The following WDR3 variants were observed in gnomAD, a reference collection of about 807,000 sequenced individuals.
WDR3 encodes the protein WD repeat domain 3, also known as WD repeat-containing protein 3.
A neutral mutation model predicts 123.7 loss-of-function variants in WDR3; 81 were observed. The observed-to-expected ratio is 0.65, with a 90% CI of 0.55 to 0.79. WDR3 has a LOEUF of 0.79. WDR3 is among the 30% of genes least tolerant of loss of function. The pLI, the probability that WDR3 is intolerant of heterozygous loss-of-function variation, is 0.00. For missense variants in WDR3, 1,027 were observed against 1,123.2 expected, an observed-to-expected ratio of 0.91 and a Z score of 1.22; for synonymous variants, 390 against 388.8, an observed-to-expected ratio of 1.00 and a Z score of -0.04.
chr1:117,930,318 G>A (rs1174576713), intron 1 of WDR3, among the ~76,000 whole-genome samples: 1 of 152,208 alleles, frequency 6.6e-6, no homozygotes, highest in Non-Finnish European at 1.5e-5. Flanking sequence ...ATGAAAAAAG[G>A]CTGCTAGAAT....
chr1:117,935,732 C>T (rs561865167), intron 3 of WDR3, among the ~76,000 whole-genome samples: 37 of 151,516 alleles, frequency 2.4e-4, no homozygotes, highest in Non-Finnish European at 3.2e-4. Flanking sequence ...AGTAAATATC[C>T]GATAGCAAGG....
At chr1:117,933,953 TACC>T (rs1195684182) in intron 2 of WDR3, among the ~76,000 whole-genome samples, 1 of 152,212 alleles carries the variant, frequency 6.6e-6, no homozygotes, top group African/African-American at 2.4e-5. Context: ...TCCCTAAGCC[TACC>T]ACTTTTGCCA....
chr1:117,937,630 A>G (rs1650991176), intron 4 of WDR3, among the ~76,000 whole-genome samples: 1 of 152,316 alleles, frequency 6.6e-6, no homozygotes, highest in East Asian at 1.9e-4. Context: ...AGCTTAGGGA[A>G]TATAAAGGCA....
chr1:117,939,525 G>C lies in WDR3; in HGVS notation c.628G>C (p.Ala210Pro), dbSNP rs759368535. The change falls in exon 6 of 27, where the codon GCC becomes CCC. Residue 210 changes from alanine (A) to proline (P), a missense_variant. By Grantham distance (27) the Ala-to-Pro change is conservative. Transcript: ENST00000349139. The stretch of plus-strand genomic sequence containing the variant: ...AGAAGAAAAGCGACTCATCACTGGG[G>C]CCTCAGACAGTGAACTGAGGGTATG... Reference protein sequence around the residue: ...LSEEKRLITGASDSELRVWDI... With the variant: ...LSEEKRLITGPSDSELRVWDI... 1.9e-6 allele frequency: 3 copies of C among 1,613,790 alleles called. No homozygotes were observed. In the South Asian group the frequency reaches 3.3e-5, roughly 18 times the overall value.
At position 117,933,414 on chromosome 1, in the gene WDR3, G is replaced by T. The variant is rs1308056118; in HGVS notation, c.95G>T (p.Arg32Leu). 76 of 1,614,062 alleles carry T rather than the reference G, an allele frequency of 4.7e-5. No individual in the cohort carries two copies. The highest frequency in any genetic ancestry group is 6.3e-5 in the Non-Finnish European group (74 of 1,180,048). ...GGTAATATTGTCTTTGTGACACTTC[G>T]TGGTGAGAAAGGACGTTATGTGGCA... ...QKGNIVFVTL[R>L]GEKGRYVAVP... The change falls in exon 2 of 27, where the codon CGT (arginine) becomes CTT (leucine). Residue 32 changes from arginine to leucine, a missense_variant. Transcript: ENST00000349139.
In WDR3 at chr1:117,942,440, A is replaced by G. The variant is rs1651203724; in HGVS notation, c.993A>G (p.Leu331=). 5.0e-6 allele frequency: 8 copies of G among 1,612,230 alleles called. No homozygotes were observed. Among genetic ancestry groups the G allele is most frequent in the Admixed American group, 3.3e-5 (2 of 59,972 alleles). Residue 331 remains leucine (L), a synonymous_variant, in exon 10 of 27, where the codon TTA becomes TTG. Coordinates refer to ENST00000349139, the MANE Select transcript of WDR3 (RefSeq NM_006784.3). The stretch of plus-strand genomic sequence containing the variant: ...ATACTTTTCTTCTTCCCTCTAGATT[A>G]CATTCTAGCAAAGGAGAGGAGGAAG... ...KMKKARKKAK[L]HSSKGEEEDP... is the part of the protein sequence containing the mutation.
chr1:117,953,055 T>G, intron 20 of WDR3, 59 bp downstream of exon 20: 1 of 1,561,010 alleles, frequency 6.4e-7, no homozygotes, highest in East Asian at 2.2e-5. Context: ...TTATTGAAAT[T>G]GACTATAATG....
intron 25 of WDR3, among the ~76,000 whole-genome samples, chr1:117,958,156 G>A (rs990285352): frequency 1.3e-5 from 2 of 152,124 alleles, no homozygotes. Context: ...TAGTTAAACA[G>A]GTATATGTAG....
At chr1:117,930,465 G>T (rs1461479132) in intron 1 of WDR3, among the ~76,000 whole-genome samples, 1 of 152,248 alleles carries the variant, frequency 6.6e-6, no homozygotes, top group Non-Finnish European at 1.5e-5. Context: ...AAACTAGCCA[G>T]CCTGACAGGA....
In WDR3 at chr1:117,933,389, G is replaced by C. The variant is rs748419725; in HGVS notation, c.70G>C (p.Gly24Arg). ...CTTTGGCGTTATCGGCAGCCAAAAA[G>C]GTAATATTGTCTTTGTGACACTTCG... The part of the protein sequence containing the change: ...AVFGVIGSQK[G>R]NIVFVTLRGE... Residue 24 changes from glycine (G) to arginine (R), a missense_variant, in exon 2 of 27, where the codon GGT (glycine) becomes CGT (arginine). By Grantham distance (125) the Gly-to-Arg change is moderately radical. Transcript: ENST00000349139. The C allele has an allele frequency of 8.7e-6, 14 of 1,614,060 alleles. No individual in the cohort carries two copies. Among genetic ancestry groups the C allele is most frequent in the Non-Finnish European group, 1.1e-5 (13 of 1,180,046 alleles).
At chr1:117,938,652 A>C in intron 5 of WDR3, 94 bp downstream of exon 5, 1 of 1,072,126 alleles carries the variant, frequency 9.3e-7, no homozygotes, top group Non-Finnish European at 1.4e-6. Context: ...CTTTGTTTTT[A>C]GTGCACACAG....
chr1:117,954,443 C>G (rs1222987622), intron 22 of WDR3, 137 bp from the exon 23 acceptor site: 3 of 786,550 alleles, frequency 3.8e-6, no homozygotes, highest in Middle Eastern at 3.2e-4. Context: ...TTTGATAATT[C>G]TTTTACACTC....
chr1:117,966,102 AT>A lies in WDR3; in HGVS notation c.*6657del, dbSNP rs1653810243. 1 of 152,252 alleles carries A rather than the reference AT, an allele frequency of 6.6e-6. No homozygotes were observed. The highest frequency in any genetic ancestry group is 2.4e-5 in the African/African-American group (1 of 41,452). 9.4% of individuals were successfully genotyped at this position (152,252 alleles called of 1,614,324 possible). A position where few individuals can be genotyped will look rare whatever the true frequency, so the allele number is the denominator to read the frequency against. Reference sequence around the variant, plus strand: ...TGTGAAGACTTTATTTCTGCTACAAATTATATAATACCTTTTAAGACAGAGT... The same window carrying A: ...TGTGAAGACTTTATTTCTGCTACAAATATATAATACCTTTTAAGACAGAGT... On this transcript the variant is annotated 3_prime_UTR_variant, in exon 27 of 27. Transcript: ENST00000349139.
rs1653209805 is a variant in WDR3, at chr1:117,962,334, A to C, written c.*2887A>C. The C allele has an allele frequency of 6.6e-6, 1 of 152,220 alleles. No homozygotes were observed. Among genetic ancestry groups the C allele is most frequent in the African/African-American group, 2.4e-5 (1 of 41,456 alleles). The allele number at this position is 152,220 out of a possible 1,614,324, so 9.4% of individuals were successfully genotyped here. On this transcript the variant is annotated 3_prime_UTR_variant, in exon 27 of 27. Transcript: ENST00000349139. ...TAAATTTTAAGCCAGGCAAATTTCT[A>C]GTCATTAAGTCAGTATTCATTGCCT...
rs1653864292 is a variant in WDR3 at position 117,966,490 on chromosome 1, T to C, written c.*7043T>C. The C allele has an allele frequency of 9.5e-7, 1 of 1,056,668 alleles. No homozygotes were observed. The highest frequency in any genetic ancestry group is 2.8e-5 in the Admixed American group (1 of 35,192). 65.5% of individuals were successfully genotyped at this position (1,056,668 alleles called of 1,614,324 possible). A position where few individuals can be genotyped will look rare whatever the true frequency, so the allele number is the denominator to read the frequency against. On this transcript the variant is annotated 3_prime_UTR_variant, in exon 27 of 27. Transcript: ENST00000349139. ...AAGATGCTCTTTGTCTTAATAAATTTAACTCTGATTTTGAAGATAGAATTA... is the reference window on the plus strand; with the variant it reads ...AAGATGCTCTTTGTCTTAATAAATTCAACTCTGATTTTGAAGATAGAATTA...
Position 117,946,064 on chromosome 1 carries a change from CTTTAT to C in WDR3, c.1329-18_1329-14del, listed in dbSNP as rs781693616. ...GATGCAGATTCTCTTAACATGAGTT[CTTTAT>C]TTTTTCTTTCTCATAGGTCTACACT... On this transcript the variant is annotated splice_polypyrimidine_tract_variant and intron_variant, in intron 11 of 26. Coordinates refer to ENST00000349139, the MANE Select transcript of WDR3 (RefSeq NM_006784.3). The C allele has an allele frequency of 1.3e-6, 2 of 1,579,330 alleles. No individual in the cohort carries two copies. Among genetic ancestry groups the C allele is most frequent in the Non-Finnish European group, 1.7e-6 (2 of 1,160,292 alleles).
chr1:117,964,008 T>C lies in WDR3; in HGVS notation c.*4561T>C. 1 of 1,508,944 alleles carries C rather than the reference T, an allele frequency of 6.6e-7. No homozygotes were observed. Among genetic ancestry groups the C allele is most frequent in the South Asian group, 1.3e-5 (1 of 78,768 alleles). 93.5% of individuals were successfully genotyped at this position (1,508,944 alleles called of 1,614,324 possible). A position where few individuals can be genotyped will look rare whatever the true frequency, so the allele number is the denominator to read the frequency against. On this transcript the variant is annotated 3_prime_UTR_variant, in exon 27 of 27. Transcript: ENST00000349139. ...TGCATATATAAACCTAAATAACATT[T>C]TAGAATCATAGAATTTCTTCTCTGG...
chr1:117,938,655 G>A lies in WDR3; in HGVS notation c.579+97G>A, dbSNP rs560856859. ...CCTTTCATGGCTCTTTGTTTTTAGT[G>A]CACACAGTAATTATCATATGCCATC... On this transcript the variant is annotated intron_variant, in intron 5 of 26. Coordinates refer to ENST00000349139, the MANE Select transcript of WDR3 (RefSeq NM_006784.3). The A allele has an allele frequency of 1.3e-4, 137 of 1,061,492 alleles. 1 individual carries two copies. The South Asian group carries it at 1.9e-3, about 15-fold the overall frequency. 65.8% of individuals were successfully genotyped at this position (1,061,492 alleles called of 1,614,324 possible).
rs1651066613 is a variant in WDR3 at position 117,939,512 on chromosome 1, A to G, written c.615A>G (p.Arg205=). Residue 205 remains arginine (R), a synonymous_variant, in exon 6 of 27, where the codon CGA becomes CGG. Transcript: ENST00000349139. ...TGGTTCTGTTGTCAGAAGAAAAGCG[A>G]CTCATCACTGGGGCCTCAGACAGTG... ...WGLVLLSEEK[R]LITGASDSEL... is the part of the protein sequence containing the mutation. 15 of 1,613,776 alleles carry G rather than the reference A, an allele frequency of 9.3e-6. No homozygotes were observed. Among genetic ancestry groups the G allele is most frequent in the Non-Finnish European group, 1.3e-5 (15 of 1,179,748 alleles).
Sources: allele counts gnomAD v4.1 joint callset (sites outside exome capture counted in the v4.1 genomes callset), GRCh38; gene constraint gnomAD v4.1.1; transcripts MANE v1.5; gene names NCBI Gene and HGNC (gene_info 2026-07-23, HGNC 2026-07-21).